GRM7: variants seen among roughly 807,000 people sequenced by gnomAD.
GRM7 encodes the protein metabotropic glutamate receptor 7.
Under a neutral mutation model 84.5 loss-of-function variants are expected in GRM7, and 35 were observed. The observed-to-expected ratio is 0.41, with a 90% confidence interval of 0.32 to 0.55. GRM7 has a LOEUF of 0.55. Among genes scored for constraint, GRM7 ranks in the 20% least tolerant of loss-of-function variants. The pLI is 0.19. For synonymous variants in GRM7, 487 were observed against 455.1 expected (o/e 1.07, Z -0.89); for missense variants, 1,003 against 1,194.6 (o/e 0.84, Z 2.36).
At chr3:7,230,929 T>C (rs574085278) in intron 2 of GRM7, among the ~76,000 whole-genome samples, 3 of 152,212 alleles carry the variant, frequency 2.0e-5, no homozygotes, top group African/African-American at 4.8e-5. Flanking sequence ...GTCATTACCA[T>C]CTCAATTGGA....
chr3:7,432,558 G>T (rs1018013086), intron 5 of GRM7, among the ~76,000 whole-genome samples: 10 of 151,808 alleles, frequency 6.6e-5, no homozygotes, highest in African/African-American at 2.4e-4. Context: ...CTAACCTCAG[G>T]CAATCTTCCC....
chr3:7,353,218 G>A (rs1034773255), intron 4 of GRM7, among the ~76,000 whole-genome samples: 2 of 152,016 alleles, frequency 1.3e-5, no homozygotes, highest in African/African-American at 4.8e-5. Context: ...GGTACCAAGA[G>A]TGACTCATGA....
intron 1 of GRM7, among the ~76,000 whole-genome samples, chr3:7,013,965 A>G (rs1232823661): frequency 6.6e-6 from 1 of 152,176 alleles, no homozygotes; most frequent in Non-Finnish European, 1.5e-5. Flanking sequence ...GTTAACTGAC[A>G]TATCTGCCCT....
At chr3:7,443,764 T>G (rs571157408) in intron 5 of GRM7, among the ~76,000 whole-genome samples, 48 of 152,316 alleles carry the variant, frequency 3.2e-4, no homozygotes, top group African/African-American at 1.1e-3. Flanking sequence ...AATCTGTTTC[T>G]TAATTTTGTG....
chr3:7,022,676 CT>C (rs1400628091), intron 1 of GRM7, among the ~76,000 whole-genome samples: 1 of 151,118 alleles, frequency 6.6e-6, no homozygotes, highest in African/African-American at 2.4e-5. Context: ...TAATTTTTAA[CT>C]TTTTTTTTGG....
intron 7 of GRM7, among the ~76,000 whole-genome samples, chr3:7,568,852 G>A (rs527925316): frequency 6.6e-6 from 1 of 152,100 alleles, no homozygotes; most frequent in African/African-American, 2.4e-5. Flanking sequence ...CTCGGGACCT[G>A]CAGCCCGCCA....
intron 1 of GRM7, among the ~76,000 whole-genome samples, chr3:6,970,146 C>T: frequency 6.6e-6 from 1 of 152,164 alleles, no homozygotes; most frequent in South Asian, 2.1e-4. Context: ...TAACCTGGTT[C>T]CCAGCCAAGA....
At chr3:6,982,377 G>A (rs1325940571) in intron 1 of GRM7, among the ~76,000 whole-genome samples, 3 of 152,124 alleles carry the variant, frequency 2.0e-5, no homozygotes, top group Non-Finnish European at 4.4e-5. Context: ...CAGGATTATT[G>A]CTACACCAAA....
At chr3:7,463,003 T>A (rs3729591) in intron 7 of GRM7, among the ~76,000 whole-genome samples, 1 of 151,512 alleles carries the variant, frequency 6.6e-6, no homozygotes, top group African/African-American at 2.4e-5. Flanking sequence ...AAACTCAAGG[T>A]GGGGGAGTAG....
At chr3:7,645,382 A>G (rs1698579645) in intron 8 of GRM7, among the ~76,000 whole-genome samples, 1 of 151,718 alleles carries the variant, frequency 6.6e-6, no homozygotes, top group Non-Finnish European at 1.5e-5. Context: ...CCCCGTCACT[A>G]CTAAAAATAC....
chr3:6,953,230 T>C (rs1038417087), intron 1 of GRM7, among the ~76,000 whole-genome samples: 1 of 152,202 alleles, frequency 6.6e-6, no homozygotes, highest in Admixed American at 6.5e-5. Flanking sequence ...TGTTTTTGTT[T>C]TGAATACAGT....
At chr3:7,484,945 G>C (rs1190336803) in intron 7 of GRM7, among the ~76,000 whole-genome samples, 2 of 152,180 alleles carry the variant, frequency 1.3e-5, no homozygotes. Context: ...TTTCTTGCTT[G>C]CTTTGAAAGA....
At chr3:7,343,691 A>G (rs1488604107) in intron 4 of GRM7, among the ~76,000 whole-genome samples, 1 of 152,142 alleles carries the variant, frequency 6.6e-6, no homozygotes, top group African/African-American at 2.4e-5. Context: ...TTGCAACACA[A>G]TGCTTCTTTT....
chr3:7,647,246 G>A (rs753340820), intron 8 of GRM7, among the ~76,000 whole-genome samples: 16 of 152,154 alleles, frequency 1.1e-4, no homozygotes, highest in Admixed American at 2.0e-4. Context: ...TTCCTCTTTG[G>A]TTAGCTTCAC....
intron 1 of GRM7, among the ~76,000 whole-genome samples, chr3:7,106,280 T>A (rs558057017): frequency 1.2e-3 from 185 of 152,048 alleles, no homozygotes; most frequent in Non-Finnish European, 1.9e-3. Context: ...TTTTCTTTTT[T>A]TTTTATTATA....
intron 2 of GRM7, among the ~76,000 whole-genome samples, chr3:7,215,508 C>CA (rs958258296): frequency 6.6e-6 from 1 of 151,586 alleles, no homozygotes; most frequent in Non-Finnish European, 1.5e-5. Context: ...ACTAAAAATA[C>CA]AAAAAAATTA....
intron 9 of GRM7, among the ~76,000 whole-genome samples, chr3:7,720,392 A>G (rs1701904348): frequency 6.6e-6 from 1 of 152,094 alleles, no homozygotes; most frequent in Non-Finnish European, 1.5e-5. Flanking sequence ...TCTTTATTTC[A>G]GATCTTCCCT....
At chr3:7,075,996 A>G (rs1476759918) in intron 1 of GRM7, among the ~76,000 whole-genome samples, 1 of 151,886 alleles carries the variant, frequency 6.6e-6, no homozygotes, top group Admixed American at 6.6e-5. Context: ...AAGTTATCTC[A>G]TCTAGGTTTT....
intron 1 of GRM7, among the ~76,000 whole-genome samples, chr3:6,897,508 A>G (rs1696226508): frequency 6.6e-6 from 1 of 152,098 alleles, no homozygotes; most frequent in Non-Finnish European, 1.5e-5. Flanking sequence ...TGAGCAAGTT[A>G]CTCCTGGTAC....
Sources: gnomAD v4.1 joint callset for allele counts (sites outside exome capture counted in the v4.1 genomes callset) on GRCh38, gnomAD v4.1.1 for gene constraint, MANE v1.5 for transcripts, NCBI Gene and HGNC (gene_info 2026-07-23, HGNC 2026-07-21) for gene names.